The following COL23A1 variants were observed in gnomAD, a reference collection of about 807,000 sequenced individuals.
COL23A1 encodes the protein collagen alpha-1(XXIII) chain.
Under a neutral mutation model 99.3 loss-of-function variants are expected in COL23A1, and 97 were observed. The ratio of observed to expected loss-of-function variants is 0.98; its 90% CI spans 0.83 to 1.16. COL23A1 has a LOEUF of 1.16. Ranked by LOEUF, COL23A1 falls within the 50% of genes most tolerant of loss-of-function variation. COL23A1 has a pLI of 0.00. For synonymous variants in COL23A1, 320 were observed against 308.2 expected (o/e 1.04, Z -0.40); for missense variants, 762 against 757.4 (o/e 1.01, Z -0.07).
At position 178,327,950 on chromosome 5, in the gene COL23A1, G is replaced by A. The variant is rs116119370; in HGVS notation, c.362-21031C>T. Among the ~76,000 whole-genome samples the A allele has an allele frequency of 4.3e-3, 649 of 152,338 alleles. 3 individuals are homozygous for A. The highest frequency in any genetic ancestry group is 0.014 in the African/African-American group (568 of 41,574). ...AAGCCCTGCTGTGTCTCAGCACCTCGCTTTCCCAGCTAGGGCTGAAGGACT... is the reference window on the plus strand; with the variant it reads ...AAGCCCTGCTGTGTCTCAGCACCTCACTTTCCCAGCTAGGGCTGAAGGACT... On this transcript the variant is annotated intron_variant, in intron 2 of 28. Coordinates refer to ENST00000390654, the MANE Select transcript of COL23A1 (RefSeq NM_173465.4).
At chr5:178,356,906 A>G (rs1394680178) in intron 2 of COL23A1, among the ~76,000 whole-genome samples, 1 of 152,088 alleles carries the variant, frequency 6.6e-6, no homozygotes, top group Non-Finnish European at 1.5e-5. Flanking sequence ...AACCCAGCAC[A>G]CCCGTGCCCA....
chr5:178,310,936 T>C lies in COL23A1; in HGVS notation c.362-4017A>G, dbSNP rs1442469862. On this transcript the variant is annotated intron_variant, in intron 2 of 28. Coordinates refer to ENST00000390654, the MANE Select transcript of COL23A1 (RefSeq NM_173465.4). The surrounding 1 kb of genome is among the most constrained non-coding windows in gnomAD (Gnocchi z 4.3). ...GGCACTGGGAGTCTGTCTTGATTGA[T>C]CTGCTCATGTGGAGAAGGGGAAACT... Among the ~76,000 whole-genome samples the C allele has an allele frequency of 6.6e-6, 1 of 152,108 alleles. No individual in the cohort carries two copies. Among genetic ancestry groups the C allele is most frequent in the African/African-American group, 2.4e-5 (1 of 41,400 alleles).
intron 2 of COL23A1, among the ~76,000 whole-genome samples, chr5:178,403,516 G>A (rs373613549): frequency 9.8e-5 from 15 of 152,310 alleles, no homozygotes; most frequent in South Asian, 8.3e-4. Context: ...CCAGTGAGAC[G>A]CAGAGGCCCC....
At position 178,481,294 on chromosome 5, in the gene COL23A1, T is replaced by C. The variant is rs551737187; in HGVS notation, c.361+79388A>G. 1.6e-4 allele frequency among the ~76,000 whole-genome samples: 24 copies of C among 151,916 alleles called. No homozygotes were observed. In the East Asian group the frequency reaches 3.7e-3, roughly 23 times the overall value. On this transcript the variant is annotated intron_variant, in intron 2 of 28. Transcript: ENST00000390654. Reference sequence around the variant, plus strand: ...ACTATAAAACTCTTAGAAGAAAACATAGGGGAAAATTTTCATGACACTGGA... The same window carrying C: ...ACTATAAAACTCTTAGAAGAAAACACAGGGGAAAATTTTCATGACACTGGA...
intron 2 of COL23A1, among the ~76,000 whole-genome samples, chr5:178,441,704 C>T (rs1054123034): frequency 9.9e-5 from 15 of 152,118 alleles, no homozygotes; most frequent in Non-Finnish European, 2.1e-4. Flanking sequence ...CCCTAACAGA[C>T]GACACGGGGT....
chr5:178,290,450 T>A (rs967440620), intron 3 of COL23A1, 81 bp from the exon 4 acceptor site: 1 of 1,582,934 alleles, frequency 6.3e-7, no homozygotes, highest in East Asian at 2.2e-5. Context: ...TCCCCTCACC[T>A]GTCCTCAGCA....
Position 178,382,412 on chromosome 5 carries a change from C to T in COL23A1, c.362-75493G>A, listed in dbSNP as rs540090787. ...GAAAGGATGAGAATCATGTTGGAAA[C>T]GCCCCTTCGCCCTCCTCCTCCTCTG... On this transcript the variant is annotated intron_variant, in intron 2 of 28. Coordinates refer to ENST00000390654, the MANE Select transcript of COL23A1 (RefSeq NM_173465.4). Among the ~76,000 whole-genome samples, 18 of 150,328 alleles carry T rather than the reference C, an allele frequency of 1.2e-4. 1 individual carries two copies. The East Asian group carries it at 1.4e-3, about 11-fold the overall frequency.
intron 2 of COL23A1, among the ~76,000 whole-genome samples, chr5:178,371,592 C>T (rs1364023301): frequency 1.3e-5 from 2 of 152,224 alleles, no homozygotes; most frequent in African/African-American, 4.8e-5. Context: ...TGTCACCAAC[C>T]CCTGGGCCAA....
intron 2 of COL23A1, among the ~76,000 whole-genome samples, chr5:178,354,962 G>A (rs962583193): frequency 6.6e-6 from 1 of 151,858 alleles, no homozygotes; most frequent in Admixed American, 6.6e-5. Flanking sequence ...GGAGGCTGAA[G>A]CAGGAGAATC....
chr5:178,322,786 T>C (rs986259875), intron 2 of COL23A1, among the ~76,000 whole-genome samples: 1 of 151,948 alleles, frequency 6.6e-6, no homozygotes. Context: ...GGACCGGGAG[T>C]TGGGTCAGCC....
At chr5:178,492,070 A>G (rs1343123352) in intron 2 of COL23A1, among the ~76,000 whole-genome samples, 1 of 152,250 alleles carries the variant, frequency 6.6e-6, no homozygotes, top group African/African-American at 2.4e-5. Context: ...TTCAATTAAT[A>G]CAAATCGAAT....
chr5:178,242,635 T>G (rs1764468915), intron 25 of COL23A1, among the ~76,000 whole-genome samples: 1 of 152,128 alleles, frequency 6.6e-6, no homozygotes, highest in African/African-American at 2.4e-5. Context: ...ACACCAACAC[T>G]CAGGCAGAGC....
At chr5:178,446,620 ATGAAGTC>A (rs1345242573) in intron 2 of COL23A1, among the ~76,000 whole-genome samples, 2 of 152,250 alleles carry the variant, frequency 1.3e-5, no homozygotes, top group Non-Finnish European at 2.9e-5. Flanking sequence ...CATAGATACT[ATGAAGTC>A]TGACATTTTT....
intron 2 of COL23A1, among the ~76,000 whole-genome samples, chr5:178,317,472 A>G (rs759597857): frequency 2.6e-5 from 4 of 152,216 alleles, no homozygotes; most frequent in Non-Finnish European, 5.9e-5. Context: ...AAACATGCAC[A>G]TTTTGAAAAG....
chr5:178,359,081 T>C (rs1331277113), intron 2 of COL23A1, among the ~76,000 whole-genome samples: 3 of 152,190 alleles, frequency 2.0e-5, no homozygotes, highest in African/African-American at 7.2e-5. Flanking sequence ...ATGGCAGCTC[T>C]CCAGGCTGAA....
At chr5:178,332,376 A>T (rs1760080156) in intron 2 of COL23A1, among the ~76,000 whole-genome samples, 1 of 152,152 alleles carries the variant, frequency 6.6e-6, no homozygotes, top group African/African-American at 2.4e-5. Flanking sequence ...ACAGAGCATG[A>T]TCCTGAGCCA....
At chr5:178,463,828 G>A (rs1246634710) in intron 2 of COL23A1, among the ~76,000 whole-genome samples, 1 of 152,210 alleles carries the variant, frequency 6.6e-6, no homozygotes, top group Non-Finnish European at 1.5e-5. Context: ...ACACTGTGCA[G>A]GTATGAGCCC....
intron 2 of COL23A1, among the ~76,000 whole-genome samples, chr5:178,390,282 T>C (rs1295764128): frequency 6.6e-6 from 1 of 152,280 alleles, no homozygotes; most frequent in East Asian, 1.9e-4. Flanking sequence ...ACTGAGACTG[T>C]CTGGATCATG....
At chr5:178,451,384 G>A (rs1019675401) in intron 2 of COL23A1, among the ~76,000 whole-genome samples, 1 of 152,068 alleles carries the variant, frequency 6.6e-6, no homozygotes, top group African/African-American at 2.4e-5. Flanking sequence ...GGCTGGGCAC[G>A]GTGGCTCACA....
Sources: gnomAD v4.1 joint callset for allele counts (sites outside exome capture counted in the v4.1 genomes callset) on GRCh38, gnomAD v4.1.1 for gene constraint, Gnocchi (gnomAD v3.1) non-coding constraint, MANE v1.5 for transcripts, NCBI Gene and HGNC (gene_info 2026-07-23, HGNC 2026-07-21) for gene names.